CCDC157: variants seen among roughly 807,000 people sequenced by gnomAD.
CCDC157 encodes the protein coiled-coil domain containing 157.
CCDC157 carries 60 observed loss-of-function variants against 70.9 expected under a neutral mutation model. The observed-to-expected ratio is 0.85, with a 90% confidence interval of 0.69 to 1.05. CCDC157 has a LOEUF of 1.05. CCDC157 is among the 50% of genes least tolerant of loss of function. The probability of loss-of-function intolerance (pLI) is 0.00; values close to 1 mark genes in which losing one functional copy is unlikely to be tolerated. For missense variants in CCDC157, 943 were observed against 984.2 expected (o/e 0.96, Z 0.56); for synonymous variants, 373 against 422.4 (o/e 0.88, Z 1.43).
chr22:30,375,352 G>A (rs895124301), intron 9 of CCDC157, 127 bp from the exon 10 acceptor site: 2 of 818,664 alleles, frequency 2.4e-6, no homozygotes, highest in African/African-American at 1.7e-5. Context: ...AGGGAAGGGG[G>A]AATAAGGCCT....
Position 30,370,528 on chromosome 22 carries a change from G to T in CCDC157, c.623G>T (p.Ser208Ile), listed in dbSNP as rs756078377. The change falls in exon 5 of 12, where the codon AGT becomes ATT. Residue 208 changes from serine (S) to isoleucine (I), a missense_variant. Coordinates refer to ENST00000338306, the MANE Select transcript of CCDC157 (RefSeq NM_001017437.5). ...FPATTFKNTR[S>I]VHSQTIETAL... ...GCCACGACCTTCAAGAACACCAGGA[G>T]TGTCCACTCCCAGACCATTGAGACG... The T allele has an allele frequency of 1.9e-6, 3 of 1,613,950 alleles. No individual in the cohort carries two copies. Among genetic ancestry groups the T allele is most frequent in the Non-Finnish European group, 1.7e-6 (2 of 1,180,034 alleles).
At chr22:30,358,151 T>C (rs1246022575) in intron 1 of CCDC157, among the ~76,000 whole-genome samples, 1 of 152,212 alleles carries the variant, frequency 6.6e-6, no homozygotes, top group Admixed American at 6.5e-5. Flanking sequence ...TGGACTTCAG[T>C]TTCCTCACCT....
chr22:30,363,953 A>G (rs1932540370), intron 2 of CCDC157, among the ~76,000 whole-genome samples: 1 of 152,018 alleles, frequency 6.6e-6, no homozygotes, highest in South Asian at 2.1e-4. Context: ...AAGTGTTGGG[A>G]TTACAGGCGT....
chr22:30,368,459 C>T (rs1166070324), intron 3 of CCDC157, among the ~76,000 whole-genome samples: 4 of 152,230 alleles, frequency 2.6e-5, no homozygotes, highest in African/African-American at 4.8e-5. Context: ...GGTGGGATCA[C>T]GGCTGAGGCT....
In CCDC157 at chr22:30,376,433, G is replaced by A. The variant is rs1326180016; in HGVS notation, c.1947G>A (p.Gly649=). 2.5e-6 allele frequency: 4 copies of A among 1,613,658 alleles called. No homozygotes were observed. Among genetic ancestry groups the A allele is most frequent in the Non-Finnish European group, 3.4e-6 (4 of 1,179,910 alleles). ...PPVQAKSTSP[G]PLGRQHLPSS... The stretch of plus-strand genomic sequence containing the variant: ...GATCTTGGATCTGGTTTTCCTTCAG[G>A]CCTCTGGGCAGACAGCACCTTCCTA... The change falls in exon 12 of 12, where the codon GGG becomes GGA. Residue 649 remains glycine (G), a splice_region_variant and synonymous_variant. Transcript: ENST00000338306.
At position 30,376,558 on chromosome 22, in the gene CCDC157, G is replaced by A. The variant is rs758593986; in HGVS notation, c.2072G>A (p.Arg691Gln). Residue 691 changes from arginine to glutamine, a missense_variant, in exon 12 of 12, where the codon CGG becomes CAG. Transcript: ENST00000338306. The stretch of plus-strand genomic sequence containing the variant: ...CGGCAGCCCTGCACATCCCCACCTC[G>A]GCAGCCCTGCACATCCCCATCTCGG... ...PPRQPCTSPP[R>Q]QPCTSPSRQP... 1.5e-5 allele frequency: 24 copies of A among 1,612,812 alleles called. 1 individual carries two copies. In the East Asian group the frequency reaches 4.5e-4, roughly 30 times the overall value.
chr22:30,376,828 A>C lies in CCDC157; in HGVS notation c.*83A>C, dbSNP rs906976848. 7 of 1,357,090 alleles carry C rather than the reference A, an allele frequency of 5.2e-6. No individual in the cohort carries two copies. The highest frequency in any genetic ancestry group is 4.3e-5 in the African/African-American group (3 of 69,164). 84.1% of individuals were successfully genotyped at this position (1,357,090 alleles called of 1,614,324 possible). Reference sequence around the variant, plus strand: ...AAAGCCCCAGCCATTGGCCCACAGCAATCTTTGCCTCACAGTATGACTGAG... The same window carrying C: ...AAAGCCCCAGCCATTGGCCCACAGCCATCTTTGCCTCACAGTATGACTGAG... On this transcript the variant is annotated 3_prime_UTR_variant, in exon 12 of 12. Transcript: ENST00000338306.
chr22:30,368,675 T>C (rs59731356), intron 3 of CCDC157: 43,600 of 152,178 alleles, frequency 0.29, 6,535 homozygotes, highest in Middle Eastern at 0.42. Context: ...TTGGCACCTC[T>C]GCCCCCAGGC....
rs543426122 is a variant in CCDC157 at position 30,374,880 on chromosome 22, C to G, written c.1673-599C>G. ...TGGCCGTGTGACCTTGGACAGCTCA[C>G]TTTGGCTGTAGCCTGTCCAAAACGG... On this transcript the variant is annotated intron_variant, in intron 9 of 11. Transcript: ENST00000338306. 403 of 366,698 alleles carry G rather than the reference C, an allele frequency of 1.1e-3. 10 individuals are homozygous for G. The Admixed American group carries it at 0.012, about 11-fold the overall frequency. The allele number at this position is 366,698 out of a possible 1,614,324, so 22.7% of individuals were successfully genotyped here.
In CCDC157 at chr22:30,375,397, A is replaced by G. The variant is rs1002434723; in HGVS notation, c.1673-82A>G. On this transcript the variant is annotated intron_variant, in intron 9 of 11. Transcript: ENST00000338306. ...GAAGATGAGCTAGGAGGCCTGGTGC[A>G]CTACACAGCTCCTTTGTGCCTCCAG... 6 of 1,330,708 alleles carry G rather than the reference A, an allele frequency of 4.5e-6. No individual in the cohort carries two copies. In the African/African-American group the frequency reaches 5.8e-5, roughly 13 times the overall value. The allele number at this position is 1,330,708 out of a possible 1,614,324, so 82.4% of individuals were successfully genotyped here. A position where few individuals can be genotyped will look rare whatever the true frequency, so the allele number is the denominator to read the frequency against.
chr22:30,365,376 C>T (rs1363443875), intron 2 of CCDC157, among the ~76,000 whole-genome samples: 1 of 151,516 alleles, frequency 6.6e-6, no homozygotes, highest in Non-Finnish European at 1.5e-5. Flanking sequence ...GGGGAGGGGA[C>T]TGGAGAGAGG....
In CCDC157 at chr22:30,370,337, C is replaced by G; in HGVS notation, c.432C>G (p.Asn144Lys). The G allele has an allele frequency of 6.2e-7, 1 of 1,613,804 alleles. No individual in the cohort carries two copies. The highest frequency in any genetic ancestry group is 8.5e-7 in the Non-Finnish European group (1 of 1,179,828). ...HQQPLPQKGA[N>K]QRETPTSKPT... Reference sequence around the variant, plus strand: ...TTTTCTGAACACAGAAAGGGGCAAACCAAAGGGAGACTCCCACCTCCAAGC... The same window carrying G: ...TTTTCTGAACACAGAAAGGGGCAAAGCAAAGGGAGACTCCCACCTCCAAGC... Residue 144 changes from asparagine (N) to lysine (K), a missense_variant, in exon 5 of 12, where the codon AAC becomes AAG. By Grantham distance (94) the Asn-to-Lys change is moderately conservative (BLOSUM62 0). Coordinates refer to ENST00000338306, the MANE Select transcript of CCDC157 (RefSeq NM_001017437.5).
Position 30,370,898 on chromosome 22 carries a change from G to A in CCDC157, c.993G>A (p.Glu331=), listed in dbSNP as rs758834156. 2 of 1,610,986 alleles carry A rather than the reference G, an allele frequency of 1.2e-6. No individual in the cohort carries two copies. The highest frequency in any genetic ancestry group is 3.3e-5 in the Admixed American group (2 of 59,912). Residue 331 remains glutamate (E), a synonymous_variant, in exon 5 of 12, where the codon GAG becomes GAA. Coordinates refer to ENST00000338306, the MANE Select transcript of CCDC157 (RefSeq NM_001017437.5). ...EQGARRRQAE[E]DEQCLSEWEH... ...GGGCACGGCGGCGACAGGCGGAGGA[G>A]GATGAGCAGTGCCTGTCTGAGTGGG... is the stretch of plus-strand genomic sequence containing the variant.
rs1933141300 is a variant in CCDC157, at chr22:30,373,936, G to A, written c.1517G>A (p.Ser506Asn). 6.2e-6 allele frequency: 10 copies of A among 1,610,874 alleles called. No individual in the cohort carries two copies. The highest frequency in any genetic ancestry group is 8.5e-6 in the Non-Finnish European group (10 of 1,178,810). The change falls in exon 9 of 12, where the codon AGC becomes AAC. Residue 506 changes from serine (S) to asparagine (N), a missense_variant. By Grantham distance (46) the Ser-to-Asn change is conservative. Transcript: ENST00000338306. ...CGTCTGTCCCAGGAGCTGCTGCAGAGCCTGCAGAGGGAGAAGCAAGGCCTG... is the reference window on the plus strand; with the variant it reads ...CGTCTGTCCCAGGAGCTGCTGCAGAACCTGCAGAGGGAGAAGCAAGGCCTG... ...QLRAQQELLQSLQREKQGLEQ... is the reference protein window; with the variant it reads ...QLRAQQELLQNLQREKQGLEQ...
intron 7 of CCDC157, chr22:30,373,319 T>TG (rs1434537374): frequency 2.1e-6 from 1 of 469,984 alleles, no homozygotes; most frequent in Non-Finnish European, 3.8e-6. Flanking sequence ...TGGAAGGAAG[T>TG]GGGGGTGAGA....
chr22:30,374,370 C>T (rs1025572966), intron 9 of CCDC157: 1 of 613,716 alleles, frequency 1.6e-6, no homozygotes, highest in Non-Finnish European at 3.1e-6. Flanking sequence ...TCCCCACAGC[C>T]TGTGCTCTTC....
At chr22:30,361,874 T>C (rs1056967496) in intron 1 of CCDC157, 87 bp from the exon 2 acceptor site, 3 of 152,558 alleles carry the variant, frequency 2.0e-5, no homozygotes, top group Admixed American at 2.0e-4. Context: ...TGGAACCCCT[T>C]CTCCTTCCTG....
Position 30,370,595 on chromosome 22 carries a change from C to T in CCDC157, c.690C>T (p.Ser230=), listed in dbSNP as rs754500481. ...PCDACASVQG[S]LQKVGKVVIS... is the part of the protein sequence containing the mutation. ...ACGCATGCGCCAGCGTCCAGGGAAGCCTGCAGAAGGTGGGCAAGGTGGTCA... is the reference window on the plus strand; with the variant it reads ...ACGCATGCGCCAGCGTCCAGGGAAGTCTGCAGAAGGTGGGCAAGGTGGTCA... Residue 230 remains serine (S), a synonymous_variant, in exon 5 of 12, where the codon AGC becomes AGT. Coordinates refer to ENST00000338306, the MANE Select transcript of CCDC157 (RefSeq NM_001017437.5). 5 of 1,614,040 alleles carry T rather than the reference C, an allele frequency of 3.1e-6. No homozygotes were observed. The highest frequency in any genetic ancestry group is 1.3e-5 in the African/African-American group (1 of 75,052).
chr22:30,363,117 C>T (rs1048121854), intron 2 of CCDC157, among the ~76,000 whole-genome samples: 5 of 152,196 alleles, frequency 3.3e-5, no homozygotes, highest in African/African-American at 7.2e-5. Context: ...AGAATGCTGG[C>T]TCTGAAACCA....
Sources: gnomAD v4.1 joint callset for allele counts (sites outside exome capture counted in the v4.1 genomes callset) on GRCh38, gnomAD v4.1.1 for gene constraint, MANE v1.5 for transcripts, NCBI Gene and HGNC (gene_info 2026-07-23, HGNC 2026-07-21) for gene names.